The following LARGE1 variants were observed in gnomAD, a reference collection of about 807,000 sequenced individuals.
LARGE1 encodes the protein xylosyl- and glucuronyltransferase LARGE1.
LARGE1 carries 43 observed loss-of-function variants against 87.6 expected under a neutral mutation model. The ratio of observed to expected loss-of-function variants is 0.49; its 90% CI spans 0.38 to 0.63. LARGE1 has a LOEUF of 0.63. Ranked by LOEUF, LARGE1 falls within the 30% of genes least tolerant of loss-of-function variation. LARGE1 has a pLI of 0.00. For synonymous variants in LARGE1, 434 were observed against 394.6 expected, an observed-to-expected ratio of 1.10 and a Z score of -1.18; for missense variants, 802 against 1,000.2, an observed-to-expected ratio of 0.80 and a Z score of 2.67.
At chr22:33,769,038 G>A (rs572067727) in intron 1 of LARGE1, among the ~76,000 whole-genome samples, 4 of 152,310 alleles carry the variant, frequency 2.6e-5, no homozygotes, top group East Asian at 1.9e-4. Flanking sequence ...GCAGGAATCC[G>A]CCAGTGCAGT....
At chr22:33,451,850 C>T in intron 6 of LARGE1, among the ~76,000 whole-genome samples, 1 of 152,156 alleles carries the variant, frequency 6.6e-6, no homozygotes, top group Non-Finnish European at 1.5e-5. Flanking sequence ...AGCCACCGCC[C>T]CCGGCCGGGA....
intron 6 of LARGE1, among the ~76,000 whole-genome samples, chr22:33,438,639 C>CGGGAG (rs76547726): frequency 0.04 from 6,095 of 152,178 alleles, 120 homozygotes; most frequent in Middle Eastern, 0.055. Flanking sequence ...TCCTGCTGCT[C>CGGGAG]GGGAGGTGAG....
At chr22:33,230,164 A>G (rs983874486) in intron 11 of LARGE1, among the ~76,000 whole-genome samples, 1 of 151,754 alleles carries the variant, frequency 6.6e-6, no homozygotes, top group Non-Finnish European at 1.5e-5. Context: ...GGAGTGCACC[A>G]CCACGCCCAG....
At position 33,187,921 on chromosome 22, in the gene LARGE1, CAAAAAAAAAAAAAAAAAAAAAAAA is replaced by C. The variant is rs578115819; in HGVS notation, c.1731-21113_1731-21090del. 2.3e-3 allele frequency among the ~76,000 whole-genome samples: 84 copies of C among 36,888 alleles called. 1 individual carries two copies. The highest frequency in any genetic ancestry group is 3.3e-3 in the Non-Finnish European group (59 of 17,734). 24.2% of individuals were successfully genotyped at this position (36,888 alleles called of 152,430 possible). ...TGGGCAACAGAGTGAGACTCCGTCT[CAAAAAAAAAAAAAAAAAAAAAAAA>C]AAAAAAAAAAAAAAATCACTAAGAG... On this transcript the variant is annotated intron_variant, in intron 11 of 11. Transcript: ENST00000608642.
intron 5 of LARGE1, among the ~76,000 whole-genome samples, chr22:33,569,580 A>C (rs1304974535): frequency 6.6e-6 from 1 of 152,252 alleles, no homozygotes; most frequent in Non-Finnish European, 1.5e-5. Flanking sequence ...AGTGGTAAGA[A>C]GCAGGTACAT....
At chr22:33,319,299 G>T (rs2146338364) in intron 10 of LARGE1, among the ~76,000 whole-genome samples, 1 of 152,276 alleles carries the variant, frequency 6.6e-6, no homozygotes, top group South Asian at 2.1e-4. Context: ...AGAAGATGCC[G>T]AGGCTAGCTT....
intron 9 of LARGE1, among the ~76,000 whole-genome samples, chr22:33,354,591 C>T (rs1460464401): frequency 6.6e-6 from 1 of 152,062 alleles, no homozygotes; most frequent in African/African-American, 2.4e-5. Context: ...TATCAAAATG[C>T]TAAAGAATAT....
chr22:33,394,762 C>T (rs917017040), intron 7 of LARGE1, among the ~76,000 whole-genome samples: 2 of 147,932 alleles, frequency 1.4e-5, no homozygotes, highest in East Asian at 2.1e-4. Flanking sequence ...TGTGTATCTA[C>T]ATGCTCATAA....
intron 2 of LARGE1, among the ~76,000 whole-genome samples, chr22:33,750,223 GT>G (rs1454456385): frequency 6.6e-6 from 1 of 152,170 alleles, no homozygotes; most frequent in African/African-American, 2.4e-5. Flanking sequence ...GATGGAGATC[GT>G]GACAAAATGG....
chr22:33,485,744 G>C (rs546345114), intron 6 of LARGE1, among the ~76,000 whole-genome samples: 47 of 152,046 alleles, frequency 3.1e-4, no homozygotes, highest in African/African-American at 1.1e-3. Context: ...TATCCGTGAG[G>C]CTACTCTGAT....
chr22:33,353,516 C>CTT (rs1940600430), intron 9 of LARGE1, among the ~76,000 whole-genome samples: 2 of 151,566 alleles, frequency 1.3e-5, no homozygotes, highest in Admixed American at 6.6e-5. Context: ...GAGAAAACCA[C>CTT]GCTGAAGGAT....
intron 2 of LARGE1, among the ~76,000 whole-genome samples, chr22:33,741,997 G>A (rs1162014641): frequency 6.6e-6 from 1 of 152,148 alleles, no homozygotes; most frequent in African/African-American, 2.4e-5. Flanking sequence ...GTCACCAACC[G>A]GCTGTGTTTC....
intron 3 of LARGE1, among the ~76,000 whole-genome samples, chr22:33,640,946 C>T (rs935651169): frequency 1.3e-5 from 2 of 152,202 alleles, no homozygotes; most frequent in Non-Finnish European, 2.9e-5. Context: ...CTCCCATCTC[C>T]GTGAGACAGA....
rs139465583 is a variant in LARGE1 at position 33,219,071 on chromosome 22, C to CA, written c.1731-52240dup. The stretch of plus-strand genomic sequence containing the variant: ...GGCTCTTGAATCTCTCTGACTACAC[C>CA]AATCAACCAGGAATATCCACCTGGA... On this transcript the variant is annotated intron_variant, in intron 11 of 11. Transcript: ENST00000608642. Among the ~76,000 whole-genome samples, 1,947 of 152,258 alleles carry CA rather than the reference C, an allele frequency of 0.013. 96 individuals are homozygous for CA. The East Asian group carries it at 0.15, about 12-fold the overall frequency.
chr22:33,280,315 C>CAAAA lies in LARGE1; in HGVS notation c.1877+2883_1877+2886dup, dbSNP rs58680121. ...TAGTTTCTGATATATGGTAACTCCT[C>CAAAA]AAAAAAAAAAAAAAAAAAAAAGAGA... On this transcript the variant is annotated intron_variant, in intron 13 of 14. Transcript: ENST00000397394. Among the ~76,000 whole-genome samples, 294 of 67,346 alleles carry CAAAA rather than the reference C, an allele frequency of 4.4e-3. 4 individuals are homozygous for CAAAA. Among genetic ancestry groups the CAAAA allele is most frequent in the African/African-American group, 0.012 (260 of 22,486 alleles). The allele number at this position is 67,346 out of a possible 152,430, so 44.2% of individuals were successfully genotyped here.
At chr22:33,215,756 A>C (rs1423510677) in intron 11 of LARGE1, among the ~76,000 whole-genome samples, 1 of 152,176 alleles carries the variant, frequency 6.6e-6, no homozygotes, top group Non-Finnish European at 1.5e-5. Context: ...CAGGAGTTTG[A>C]GACCAGCTGG....
At chr22:33,327,066 G>A (rs776875543) in intron 10 of LARGE1, among the ~76,000 whole-genome samples, 4 of 152,198 alleles carry the variant, frequency 2.6e-5, no homozygotes, top group Non-Finnish European at 4.4e-5. Flanking sequence ...CATGCGGCTC[G>A]CACGTGAGAG....
At chr22:33,079,221 C>CTTTTTT in the LARGE1 span, among the ~76,000 whole-genome samples, 3 of 85,766 alleles carry the variant, frequency 3.5e-5, no homozygotes, top group African/African-American at 5.0e-5. Flanking sequence ...AGTTATCATT[C>CTTTTTT]TTTTTTTTTT....
chr22:33,342,524 C>T (rs1211945222), intron 9 of LARGE1, among the ~76,000 whole-genome samples: 1 of 152,180 alleles, frequency 6.6e-6, no homozygotes, highest in Non-Finnish European at 1.5e-5. Context: ...GAAGCCCAAA[C>T]CTGAGGTTCT....
Sources: gnomAD v4.1 joint callset for allele counts (sites outside exome capture counted in the v4.1 genomes callset) on GRCh38, gnomAD v4.1.1 for gene constraint, MANE v1.5 for transcripts, NCBI Gene and HGNC (gene_info 2026-07-23, HGNC 2026-07-21) for gene names.